The following IL1RAPL2 variants were observed in gnomAD, a reference collection of about 807,000 sequenced individuals.
IL1RAPL2 encodes the protein X-linked interleukin-1 receptor accessory protein-like 2.
Under a neutral mutation model 44.1 loss-of-function variants are expected in IL1RAPL2, and 3 were observed. That is an observed-to-expected ratio of 0.07 (90% CI 0.03 to 0.18). The LOEUF (loss-of-function observed/expected upper bound fraction) is 0.18, where lower values mean the gene tolerates loss of function less well. Among genes scored for constraint, IL1RAPL2 ranks in the 10% least tolerant of loss-of-function variants. The probability of loss-of-function intolerance (pLI) is 1.00; values close to 1 mark genes in which losing one functional copy is unlikely to be tolerated. For missense variants in IL1RAPL2, 391 were observed against 496.4 expected (o/e 0.79, Z 2.02); for synonymous variants, 181 against 178.8 (o/e 1.01, Z -0.10).
chrX:105,366,278 C>G (rs1322032245), intron 5 of IL1RAPL2, among the ~76,000 whole-genome samples: 1 of 110,965 alleles, frequency 9.0e-6, no homozygotes, highest in African/African-American at 3.3e-5. Context: ...GTTAGTCTAG[C>G]TAAAGTTATG....
intron 5 of IL1RAPL2, among the ~76,000 whole-genome samples, chrX:105,368,587 C>CT (rs2035313458): frequency 9.0e-6 from 1 of 111,564 alleles, no homozygotes; most frequent in Non-Finnish European, 1.9e-5. Context: ...TAACAATTCA[C>CT]TTTTTCTTTG....
chrX:105,344,709 C>T (rs921280275), intron 5 of IL1RAPL2, among the ~76,000 whole-genome samples: 10 of 111,178 alleles, frequency 9.0e-5, no homozygotes, highest in Admixed American at 8.7e-4. Flanking sequence ...ATCCTTCTGC[C>T]GTCTTATATG....
chrX:105,438,384 CAGGGATATTAAATCAGGAGGGAAATAGT>C (rs371834191), intron 5 of IL1RAPL2, among the ~76,000 whole-genome samples: 1,952 of 111,289 alleles, frequency 0.018, 50 homozygotes, highest in African/African-American at 0.061. Flanking sequence ...TAAAAAGAAT[CAGGGATATTAAATCAGGAGGGAAATAGT>C]AGAAGGAGGT....
chrX:104,949,859 T>C (rs1484171078), intron 2 of IL1RAPL2, among the ~76,000 whole-genome samples: 3 of 111,460 alleles, frequency 2.7e-5, no homozygotes, highest in East Asian at 5.6e-4. Context: ...AGTTTTGGAA[T>C]AGGTGTGGTG....
chrX:105,380,668 T>C (rs916084259), intron 5 of IL1RAPL2, among the ~76,000 whole-genome samples: 1 of 111,903 alleles, frequency 8.9e-6, no homozygotes, highest in South Asian at 3.7e-4. Flanking sequence ...AAACATTTTC[T>C]CAGGTCTGAT....
chrX:105,392,612 G>A (rs983961676), intron 5 of IL1RAPL2, among the ~76,000 whole-genome samples: 2 of 111,654 alleles, frequency 1.8e-5, no homozygotes, highest in African/African-American at 6.5e-5. Context: ...TTTTTAAGGT[G>A]CAAGTGGCAT....
chrX:105,564,839 T>G (rs1337325474), intron 6 of IL1RAPL2, among the ~76,000 whole-genome samples: 3 of 111,961 alleles, frequency 2.7e-5, no homozygotes, highest in Non-Finnish European at 5.6e-5. Context: ...GCCTTGCCTT[T>G]CCTTTTCATT....
intron 2 of IL1RAPL2, among the ~76,000 whole-genome samples, chrX:105,080,662 G>A (rs1037688861): frequency 8.9e-6 from 1 of 111,871 alleles, no homozygotes; most frequent in Non-Finnish European, 1.9e-5. Flanking sequence ...GATGCCTCAA[G>A]CTTTGTTCTT....
At chrX:105,034,571 C>T (rs1330328064) in intron 2 of IL1RAPL2, among the ~76,000 whole-genome samples, 1 of 111,954 alleles carries the variant, frequency 8.9e-6, no homozygotes, top group African/African-American at 3.2e-5. Flanking sequence ...TGGTGAACTG[C>T]AAATGCTGCT....
intron 5 of IL1RAPL2, among the ~76,000 whole-genome samples, chrX:105,381,367 C>T (rs1019478633): frequency 9.0e-6 from 1 of 111,682 alleles, no homozygotes; most frequent in Non-Finnish European, 1.9e-5. Context: ...CACTCTCTTC[C>T]TCTCGTATCT....
intron 6 of IL1RAPL2, among the ~76,000 whole-genome samples, chrX:105,670,728 G>A (rs999656517): frequency 1.8e-5 from 2 of 109,630 alleles, no homozygotes; most frequent in African/African-American, 3.3e-5. Context: ...AACACACTGT[G>A]TCTATTTATT....
intron 2 of IL1RAPL2, among the ~76,000 whole-genome samples, chrX:105,131,177 C>T (rs2033022986): frequency 9.1e-6 from 1 of 110,147 alleles, no homozygotes; most frequent in Non-Finnish European, 1.9e-5. Flanking sequence ...TCCTTAATTC[C>T]ATCTTAGCTT....
rs147017444 is a variant in IL1RAPL2, at chrX:104,724,066, T to A, written c.82+65071T>A. Among the ~76,000 whole-genome samples, 537 of 111,288 alleles carry A rather than the reference T, an allele frequency of 4.8e-3. 3 individuals carry two copies. Among genetic ancestry groups the A allele is most frequent in the African/African-American group, 0.016 (494 of 30,708 alleles). On this transcript the variant is annotated intron_variant, in intron 2 of 10. Transcript: ENST00000372582. The stretch of plus-strand genomic sequence containing the variant: ...GAAAATTAATGTTCATCATAGTGAC[T>A]GAAAAGAAGTCAAAATCCTAAGAAT...
At chrX:105,040,093 G>A (rs1602913108) in intron 2 of IL1RAPL2, among the ~76,000 whole-genome samples, 2 of 111,176 alleles carry the variant, frequency 1.8e-5, no homozygotes, top group African/African-American at 6.6e-5. Flanking sequence ...AGCATGAAGG[G>A]TTGTTGAATT....
chrX:105,645,796 GT>G (rs111412779), intron 6 of IL1RAPL2, among the ~76,000 whole-genome samples: 1,123 of 112,087 alleles, frequency 0.01, 23 homozygotes, highest in African/African-American at 0.035. Flanking sequence ...CATTTATCAG[GT>G]TAATTGCCCA....
At chrX:105,294,572 T>G (rs186079093) in intron 5 of IL1RAPL2, among the ~76,000 whole-genome samples, 6 of 112,305 alleles carry the variant, frequency 5.3e-5, no homozygotes, top group Non-Finnish European at 9.4e-5. Flanking sequence ...CTGGTTGACC[T>G]GTTTAGCTGA....
chrX:104,793,893 C>G (rs1404940269), intron 2 of IL1RAPL2, among the ~76,000 whole-genome samples: 2 of 110,978 alleles, frequency 1.8e-5, no homozygotes, highest in East Asian at 5.6e-4. Context: ...CTTGGCCACC[C>G]CTCCTGCTAC....
At chrX:104,760,574 A>G (rs1932410143) in intron 2 of IL1RAPL2, among the ~76,000 whole-genome samples, 1 of 111,841 alleles carries the variant, frequency 8.9e-6, no homozygotes, top group Non-Finnish European at 1.9e-5. Flanking sequence ...TGCCATTTGT[A>G]CGTCTTCTTT....
At chrX:105,442,448 G>T (rs2035927255) in intron 5 of IL1RAPL2, among the ~76,000 whole-genome samples, 1 of 111,549 alleles carries the variant, frequency 9.0e-6, no homozygotes, top group Non-Finnish European at 1.9e-5. Flanking sequence ...TTCATAAGGT[G>T]CAAACATTGT....
Sources: gnomAD v4.1 joint callset for allele counts (sites outside exome capture counted in the v4.1 genomes callset) on GRCh38, gnomAD v4.1.1 for gene constraint, MANE v1.5 for transcripts, NCBI Gene and HGNC (gene_info 2026-07-23, HGNC 2026-07-21) for gene names.